Variants in COG7 observed in about 807,000 individuals in gnomAD.
COG7 encodes component of oligomeric golgi complex 7, also known as conserved oligomeric Golgi complex subunit 7.
COG7 carries 49 observed loss-of-function variants against 91.5 expected under a neutral mutation model. That is an observed-to-expected ratio of 0.54 (90% CI 0.43 to 0.68). The LOEUF is 0.68. COG7 is among the 30% of genes least tolerant of loss of function. COG7 has a pLI of 0.00. For synonymous variants in COG7, 365 were observed against 388.7 expected, an observed-to-expected ratio of 0.94 and a Z score of 0.72; for missense variants, 895 against 961.3, an observed-to-expected ratio of 0.93 and a Z score of 0.91.
intron 10 of COG7, among the ~76,000 whole-genome samples, chr16:23,411,538 T>C (rs1011023835): frequency 9.8e-5 from 15 of 152,312 alleles, no homozygotes; most frequent in Middle Eastern, 6.8e-3. Context: ...CCGGGATACA[T>C]GTGTAGGACG....
intron 9 of COG7, 32 bp from the exon 10 acceptor site, chr16:23,413,596 G>A: frequency 8.7e-7 from 1 of 1,143,842 alleles, no homozygotes; most frequent in Non-Finnish European, 1.3e-6. Context: ...TGGTAGGGAG[G>A]TCACCACTGA....
intron 10 of COG7, chr16:23,413,031 GC>G (rs976311157): frequency 9.2e-4 from 188 of 203,616 alleles, no homozygotes; most frequent in African/African-American, 4.3e-3. Flanking sequence ...AAATAGCGTT[GC>G]CTGGAACCAT....
At position 23,406,064 on chromosome 16, in the gene COG7, T is replaced by C; in HGVS notation, c.1662+12A>G. On this transcript the variant is annotated intron_variant, in intron 12 of 16. Transcript: ENST00000307149. ...TTTCATTTGCAAGAATGCCATTCAT[T>C]TGGTCTCATACCTTAAGGGTATAAA... The C allele has an allele frequency of 6.2e-7, 1 of 1,611,228 alleles. No homozygotes were observed. The highest frequency in any genetic ancestry group is 1.7e-4 in the Middle Eastern group (1 of 6,016).
chr16:23,399,597 C>T (rs1431015459), intron 13 of COG7, among the ~76,000 whole-genome samples: 1 of 151,968 alleles, frequency 6.6e-6, no homozygotes, highest in East Asian at 1.9e-4. Context: ...CCCCTGCAGA[C>T]ACATGAGTGC....
chr16:23,413,854 T>G (rs969836725), intron 9 of COG7: 10 of 366,754 alleles, frequency 2.7e-5, no homozygotes, highest in African/African-American at 2.1e-4. Context: ...TGAGAGATGA[T>G]GCTGATAAAT....
At position 23,419,744 on chromosome 16, in the gene COG7, A is replaced by G. The variant is rs1311809534; in HGVS notation, c.1010-917T>C. Among the ~76,000 whole-genome samples, 8 of 114,862 alleles carry G rather than the reference A, an allele frequency of 7.0e-5. No individual in the cohort carries two copies. In the East Asian group the frequency reaches 1.0e-3, roughly 15 times the overall value. 75.4% of individuals were successfully genotyped at this position (114,862 alleles called of 152,430 possible). A position where few individuals can be genotyped will look rare whatever the true frequency, so the allele number is the denominator to read the frequency against. On this transcript the variant is annotated intron_variant, in intron 7 of 16. Transcript: ENST00000307149. ...AGCCTGGGTGACAGAGTAAGACTTC[A>G]TCTCAAAAAAAAAAAAAAAAAAAGA...
chr16:23,418,607 C>T (rs1259443904), intron 8 of COG7, 93 bp downstream of exon 8: 4 of 1,204,834 alleles, frequency 3.3e-6, no homozygotes, highest in Admixed American at 1.7e-5. Context: ...ATTTCAGCAC[C>T]CCGGATCCCA....
intron 3 of COG7, 85 bp downstream of exon 3, chr16:23,444,963 T>C: frequency 2.0e-6 from 2 of 1,002,050 alleles, no homozygotes. Context: ...CTATTGGCTA[T>C]CAACTTTGTA....
intron 3 of COG7, 116 bp downstream of exon 3, chr16:23,444,932 T>A (rs906509154): frequency 6.8e-5 from 56 of 824,778 alleles, no homozygotes; most frequent in Admixed American, 4.8e-4. Context: ...CCACCCTGAG[T>A]CTGAAGGTTT....
At position 23,396,634 on chromosome 16, in the gene COG7, G is replaced by A. The variant is rs149159284; in HGVS notation, c.1887+1412C>T. Among the ~76,000 whole-genome samples the A allele has an allele frequency of 1.4e-4, 22 of 152,016 alleles. No homozygotes were observed. The East Asian group carries it at 4.1e-3, about 28-fold the overall frequency. ...GCCAAAGTTGCAGTGGGCCAAGATC[G>A]CGCCACTGCACTCCAGCCTGGGTGA... On this transcript the variant is annotated intron_variant, in intron 14 of 16. Coordinates refer to ENST00000307149, the MANE Select transcript of COG7 (RefSeq NM_153603.4).
Position 23,445,864 on chromosome 16 carries a change from A to G in COG7, c.267T>C (p.Leu89=), listed in dbSNP as rs756460613. The part of the protein sequence containing the change: ...EASFLKEQMI[L]VKEDIKKFEQ... ...CAAATTTTTTAATGTCCTCCTTGACAAGAATCATCTGTTCTTTCAGGAAAG... is the reference window on the plus strand; with the variant it reads ...CAAATTTTTTAATGTCCTCCTTGACGAGAATCATCTGTTCTTTCAGGAAAG... The change falls in exon 2 of 17, where the codon CTT becomes CTC. Residue 89 remains leucine (L), a synonymous_variant. Coordinates refer to ENST00000307149, the MANE Select transcript of COG7 (RefSeq NM_153603.4). The G allele has an allele frequency of 1.2e-6, 2 of 1,613,970 alleles. No individual in the cohort carries two copies. The highest frequency in any genetic ancestry group is 1.7e-6 in the Non-Finnish European group (2 of 1,180,014).
At chr16:23,434,046 T>G (rs1963975612) in intron 5 of COG7, among the ~76,000 whole-genome samples, 1 of 152,138 alleles carries the variant, frequency 6.6e-6, no homozygotes, top group Non-Finnish European at 1.5e-5. Flanking sequence ...GCACTGGACT[T>G]GAAGGAATTA....
At chr16:23,392,311 C>G in intron 16 of COG7, 69 bp downstream of exon 16, 2 of 1,607,972 alleles carry the variant, frequency 1.2e-6, no homozygotes, top group Non-Finnish European at 1.7e-6. Context: ...TCCTGGAGGG[C>G]AAAGGAGAAA....
In COG7 at chr16:23,393,307, G is replaced by A; in HGVS notation, c.1928C>T (p.Pro643Leu). Reference protein sequence around the residue: ...YIMSLPLNLEPFVTQEDSALE... With the variant: ...YIMSLPLNLELFVTQEDSALE... ...GGCAGAGTCCTCCTGAGTCACAAATGGCTCAAGATTCAGGGGGAGGGACAT... is the reference window on the plus strand; with the variant it reads ...GGCAGAGTCCTCCTGAGTCACAAATAGCTCAAGATTCAGGGGGAGGGACAT... Residue 643 changes from proline (P) to leucine (L), a missense_variant, in exon 15 of 17, where the codon CCA (proline) becomes CTA (leucine). Coordinates refer to ENST00000307149, the MANE Select transcript of COG7 (RefSeq NM_153603.4). 6.2e-7 allele frequency: 1 copy of A among 1,614,106 alleles called. No individual in the cohort carries two copies. Among genetic ancestry groups the A allele is most frequent in the Non-Finnish European group, 8.5e-7 (1 of 1,179,988 alleles).
At chr16:23,436,711 G>A (rs1174504734) in intron 4 of COG7, among the ~76,000 whole-genome samples, 2 of 152,140 alleles carry the variant, frequency 1.3e-5, no homozygotes, top group African/African-American at 4.8e-5. Flanking sequence ...GGGCAACAGA[G>A]TGTAGACTCT....
intron 4 of COG7, among the ~76,000 whole-genome samples, chr16:23,437,079 C>T (rs1328864251): frequency 6.6e-6 from 1 of 152,168 alleles, no homozygotes; most frequent in Non-Finnish European, 1.5e-5. Context: ...GCTGTTTCCA[C>T]TGCGGCCCAG....
intron 9 of COG7, chr16:23,414,876 A>G (rs1212103700): frequency 1.3e-5 from 2 of 152,266 alleles, no homozygotes; most frequent in Non-Finnish European, 2.9e-5. Flanking sequence ...TGACATTTGC[A>G]TGCATCACAA....
At chr16:23,417,505 G>A (rs921890913) in intron 8 of COG7, among the ~76,000 whole-genome samples, 10 of 152,336 alleles carry the variant, frequency 6.6e-5, no homozygotes, top group African/African-American at 2.4e-4. Context: ...AGTGGCTCAA[G>A]CCTGTAATCC....
intron 14 of COG7, among the ~76,000 whole-genome samples, chr16:23,396,939 T>C (rs1043272295): frequency 6.6e-6 from 1 of 151,786 alleles, no homozygotes; most frequent in Non-Finnish European, 1.5e-5. Flanking sequence ...AGGCAGGGGG[T>C]TGCTGTGTGG....
Sources: gnomAD v4.1 joint callset for allele counts (sites outside exome capture counted in the v4.1 genomes callset) on GRCh38, gnomAD v4.1.1 for gene constraint, MANE v1.5 for transcripts, NCBI Gene and HGNC (gene_info 2026-07-23, HGNC 2026-07-21) for gene names.